Variants in GNAQ observed in about 807,000 individuals in gnomAD.
GNAQ encodes the protein guanine nucleotide-binding protein G(q) subunit alpha.
In GNAQ, 8 loss-of-function variants were observed where a neutral mutation model predicts 43.9. That is an observed-to-expected ratio of 0.18 (90% CI 0.11 to 0.33). The LOEUF is 0.33. Ranked by LOEUF, GNAQ falls within the 10% of genes least tolerant of loss-of-function variation. GNAQ has a pLI of 1.00. For synonymous variants in GNAQ, 155 were observed against 170.7 expected, an observed-to-expected ratio of 0.91 and a Z score of 0.71; for missense variants, 158 against 450.8, an observed-to-expected ratio of 0.35 and a Z score of 5.88.
intron 1 of GNAQ, among the ~76,000 whole-genome samples, chr9:77,973,574 T>TG (rs779949473): frequency 2.6e-5 from 4 of 152,184 alleles, no homozygotes; most frequent in Non-Finnish European, 5.9e-5. Context: ...CCCAGCACTT[T>TG]GGGAGGCCAA....
chr9:77,791,835 C>G (rs1438437771), intron 5 of GNAQ, among the ~76,000 whole-genome samples: 1 of 152,102 alleles, frequency 6.6e-6, no homozygotes, highest in African/African-American at 2.4e-5. Flanking sequence ...GGAGGCACAA[C>G]AAAGTCTGCT....
At chr9:77,819,287 G>C (rs148567678) in intron 2 of GNAQ, among the ~76,000 whole-genome samples, 108 of 152,176 alleles carry the variant, frequency 7.1e-4, no homozygotes, top group Middle Eastern at 3.4e-3. Flanking sequence ...GTAATGTCTT[G>C]TTTTCAGATT....
chr9:77,829,154 C>T (rs1451395728), intron 2 of GNAQ, among the ~76,000 whole-genome samples: 2 of 152,098 alleles, frequency 1.3e-5, no homozygotes, highest in African/African-American at 2.4e-5. Flanking sequence ...ATGGTGTTAT[C>T]AATAGTAGGG....
At chr9:77,881,457 C>A (rs891594811) in intron 2 of GNAQ, among the ~76,000 whole-genome samples, 1 of 152,222 alleles carries the variant, frequency 6.6e-6, no homozygotes, top group Non-Finnish European at 1.5e-5. Flanking sequence ...TAGCTCACTG[C>A]AGCCTTGAAC....
At position 78,027,709 on chromosome 9, in the gene GNAQ, C is replaced by T. The variant is rs151240161; in HGVS notation, c.136+3391G>A. Among the ~76,000 whole-genome samples the T allele has an allele frequency of 3.6e-3, 534 of 149,602 alleles. 2 individuals carry two copies. Among genetic ancestry groups the T allele is most frequent in the African/African-American group, 0.012 (503 of 40,462 alleles). On this transcript the variant is annotated intron_variant, in intron 1 of 6. Transcript: ENST00000286548. ...GAGGTTGCAGTGAAGTGAGGTCGCG[C>T]CATTGCACTCCAGCTTGGGCAACAA...
intron 2 of GNAQ, among the ~76,000 whole-genome samples, chr9:77,864,234 A>G (rs1827912166): frequency 6.7e-6 from 1 of 150,192 alleles, no homozygotes; most frequent in South Asian, 2.1e-4. Context: ...TGCACTCATT[A>G]CTGGAGGAGG....
chr9:77,946,153 T>C (rs1464516802), intron 1 of GNAQ, among the ~76,000 whole-genome samples: 2 of 152,182 alleles, frequency 1.3e-5, no homozygotes, highest in Non-Finnish European at 2.9e-5. Flanking sequence ...ACCACCATGC[T>C]GCTAGTGGAT....
chr9:77,790,232 T>G (rs575103097), intron 5 of GNAQ, among the ~76,000 whole-genome samples: 2 of 152,324 alleles, frequency 1.3e-5, no homozygotes, highest in South Asian at 4.1e-4. Context: ...TTTAACTACT[T>G]ATAAATGTTC....
At chr9:77,990,229 T>A (rs776095433) in intron 1 of GNAQ, among the ~76,000 whole-genome samples, 4 of 152,186 alleles carry the variant, frequency 2.6e-5, no homozygotes, top group Non-Finnish European at 5.9e-5. Flanking sequence ...TTATTGTATT[T>A]CTTTCTTTAA....
In GNAQ at chr9:77,894,166, G is replaced by A. The variant is rs537427585; in HGVS notation, c.321+27995C>T. 7.3e-5 allele frequency among the ~76,000 whole-genome samples: 11 copies of A among 151,446 alleles called. No homozygotes were observed. In the East Asian group the frequency reaches 1.2e-3, roughly 16 times the overall value. On this transcript the variant is annotated intron_variant, in intron 2 of 6. Coordinates refer to ENST00000286548, the MANE Select transcript of GNAQ (RefSeq NM_002072.5). ...TAAACTCTTCTTTCCAGAATGCCAT[G>A]TCTTTCATGTTATTTCTCTGTTATC...
intron 5 of GNAQ, among the ~76,000 whole-genome samples, chr9:77,755,651 A>G (rs1825890222): frequency 6.6e-6 from 1 of 152,126 alleles, no homozygotes; most frequent in Non-Finnish European, 1.5e-5. Context: ...AGATTTATTG[A>G]CTTCATAACA....
At chr9:77,730,662 T>C (rs1394532117) in intron 5 of GNAQ, among the ~76,000 whole-genome samples, 1 of 152,206 alleles carries the variant, frequency 6.6e-6, no homozygotes, top group Non-Finnish European at 1.5e-5. Context: ...GATAACTTCA[T>C]AGCTCAAAAG....
intron 1 of GNAQ, among the ~76,000 whole-genome samples, chr9:77,959,749 A>T (rs1823085315): frequency 6.6e-6 from 1 of 150,534 alleles, no homozygotes; most frequent in African/African-American, 2.5e-5. Flanking sequence ...CTCAAAGTAT[A>T]AAAAAAATCA....
chr9:77,963,102 C>T (rs552065322), intron 1 of GNAQ, among the ~76,000 whole-genome samples: 2 of 151,952 alleles, frequency 1.3e-5, no homozygotes, highest in African/African-American at 4.8e-5. Flanking sequence ...GAAGTAAGAA[C>T]AAATGCCAAA....
At chr9:77,992,510 C>T (rs1823520465) in intron 1 of GNAQ, among the ~76,000 whole-genome samples, 1 of 151,706 alleles carries the variant, frequency 6.6e-6, no homozygotes, top group Admixed American at 6.6e-5. Flanking sequence ...ACAGAGATCT[C>T]TCTAAAGACC....
intron 3 of GNAQ, among the ~76,000 whole-genome samples, chr9:77,812,276 C>T (rs1826941160): frequency 6.6e-6 from 1 of 152,278 alleles, no homozygotes; most frequent in Non-Finnish European, 1.5e-5. Flanking sequence ...GACAAACTAA[C>T]ACAACAAGAG....
Position 77,718,891 on chromosome 9 carries a change from T to C in GNAQ, c.*2432A>G, listed in dbSNP as rs763825068. On this transcript the variant is annotated 3_prime_UTR_variant, in exon 7 of 7. Coordinates refer to ENST00000286548, the MANE Select transcript of GNAQ (RefSeq NM_002072.5). ...AGAGAGGTAATACTAAACTGTGCATTTGCCAAATAAGAATATGAATTGTAT... is the reference window on the plus strand; with the variant it reads ...AGAGAGGTAATACTAAACTGTGCATCTGCCAAATAAGAATATGAATTGTAT... The C allele has an allele frequency of 5.2e-5, 12 of 232,636 alleles. No individual in the cohort carries two copies. The highest frequency in any genetic ancestry group is 9.3e-5 in the Non-Finnish European group (11 of 117,696). 14.4% of individuals were successfully genotyped at this position (232,636 alleles called of 1,614,324 possible).
At chr9:77,968,777 C>CTCT (rs1306837509) in intron 1 of GNAQ, among the ~76,000 whole-genome samples, 1 of 152,154 alleles carries the variant, frequency 6.6e-6, no homozygotes, top group African/African-American at 2.4e-5. Flanking sequence ...ACAATTATGC[C>CTCT]GGGGCTCTTA....
chr9:77,835,452 G>T (rs1010141937), intron 2 of GNAQ, among the ~76,000 whole-genome samples: 1 of 151,992 alleles, frequency 6.6e-6, no homozygotes, highest in African/African-American at 2.4e-5. Flanking sequence ...TAAATCTAAC[G>T]ATTTAAAAAT....
Sources: allele counts gnomAD v4.1 joint callset (sites outside exome capture counted in the v4.1 genomes callset), GRCh38; gene constraint gnomAD v4.1.1; transcripts MANE v1.5; gene names NCBI Gene and HGNC (gene_info 2026-07-23, HGNC 2026-07-21).